Variants in ZNF683 observed in about 807,000 individuals in gnomAD.
The protein encoded by ZNF683 is zinc finger protein 683.
In ZNF683, 20 loss-of-function variants were observed where a neutral mutation model predicts 31.4. That is an observed-to-expected ratio of 0.64 (90% confidence interval 0.45 to 0.93). The LOEUF (loss-of-function observed/expected upper bound fraction) is 0.93. Ranked by LOEUF, ZNF683 falls within the 40% of genes least tolerant of loss-of-function variation. ZNF683 has a pLI of 0.00. For missense variants in ZNF683, 621 were observed against 637.2 expected (o/e 0.97, Z 0.27); for synonymous variants, 264 against 267.6 (o/e 0.99, Z 0.13).
chr1:26,373,523 G>A (rs2074709532), upstream of ZNF683, among the ~76,000 whole-genome samples: 1 of 152,170 alleles, frequency 6.6e-6, no homozygotes, highest in Non-Finnish European at 1.5e-5. Flanking sequence ...GTTCAGGGGA[G>A]GCTGCAGAAT....
intron 3 of ZNF683, among the ~76,000 whole-genome samples, chr1:26,366,655 C>T (rs2124163757): frequency 6.6e-6 from 1 of 152,132 alleles, no homozygotes; most frequent in Admixed American, 6.6e-5. Context: ...CCCTGACTCC[C>T]AGCCCAGTGC....
chr1:26,363,046 C>A lies in ZNF683; in HGVS notation c.1123G>T (p.Glu375Ter), dbSNP rs201344522. 2 of 1,611,626 alleles carry A rather than the reference C, an allele frequency of 1.2e-6. No individual in the cohort carries two copies. Among genetic ancestry groups the A allele is most frequent in the East Asian group, 4.5e-5 (2 of 44,816 alleles). The change falls in exon 5 of 6, where the codon GAG becomes TAG. Residue 375 changes from glutamate (E) to a stop codon, truncating the protein, a stop_gained. Coordinates refer to ENST00000349618, the MANE Select transcript of ZNF683 (RefSeq NM_001114759.3). LOFTEE classifies it low-confidence loss of function (END_TRUNC). ...CTCACCGAGCACTTGTGGGGCCGCT[C>A]CCCAGTGTGCACCAGGTGGTGCTTC... is the stretch of plus-strand genomic sequence containing the variant. ...LQKHHLVHTG[E>*]RPHKCSVCHK...
chr1:26,365,158 T>C lies in ZNF683; in HGVS notation c.388A>G (p.Asn130Asp), dbSNP rs1173190352. 6.2e-7 allele frequency: 1 copy of C among 1,610,648 alleles called. No individual in the cohort carries two copies. ...GGCTGTTTTCCCAGCTTGTCCTTGT[T>C]CTGTGGGTACTTGACTGTGAATTTC... The part of the protein sequence containing the change: ...DKKFTVKYPQ[N>D]KDKLGKQPER... Residue 130 changes from asparagine to aspartate, a missense_variant, in exon 4 of 6, where the codon AAC (asparagine) becomes GAC (aspartate). Asn to Asp is a conservative substitution (Grantham distance 23, BLOSUM62 1). Coordinates refer to ENST00000349618, the MANE Select transcript of ZNF683 (RefSeq NM_001114759.3).
At position 26,361,963 on chromosome 1, in the gene ZNF683, G is replaced by T. The variant is rs146588417; in HGVS notation, c.1203C>A (p.Ser401=). 1 of 1,613,864 alleles carries T rather than the reference G, an allele frequency of 6.2e-7. No individual in the cohort carries two copies. The highest frequency in any genetic ancestry group is 8.5e-7 in the Non-Finnish European group (1 of 1,179,882). Residue 401 remains serine (S), a synonymous_variant, in exon 6 of 6, where the codon TCC becomes TCA. Transcript: ENST00000349618. ...CACTGCACTGGAAGGGCCGGGCCCC[G>T]GAGTGCAGGCGCAGGTGGGTCTTGA... ...SNLKTHLRLH[S]GARPFQCSVC...
rs763154415 is a variant in ZNF683 at position 26,364,623 on chromosome 1, G to C, written c.923C>G (p.Ala308Gly). ...CTTCTTTTTCAGCGGGTAAGGCAAG[G>C]CTGCGGTGCCTGTCTGGGAACTCAA... ...VPLSSQTGTA[A>G]LPYPLKKKNG... The change falls in exon 4 of 6, where the codon GCC becomes GGC. Residue 308 changes from alanine to glycine, a missense_variant. Transcript: ENST00000349618. 9 of 1,613,894 alleles carry C rather than the reference G, an allele frequency of 5.6e-6. No homozygotes were observed. In the African/African-American group the frequency reaches 1.1e-4, roughly 19 times the overall value.
chr1:26,364,417 AG>A, intron 4 of ZNF683, 114 bp downstream of exon 4: 1 of 1,161,332 alleles, frequency 8.6e-7, no homozygotes, highest in Non-Finnish European at 1.3e-6. Flanking sequence ...TTGGCCCTAG[AG>A]GTTGCCCAGG....
At chr1:26,369,596 A>G (rs1458281834) in intron 1 of ZNF683, among the ~76,000 whole-genome samples, 2 of 152,086 alleles carry the variant, frequency 1.3e-5, no homozygotes, top group Non-Finnish European at 2.9e-5. Flanking sequence ...TGAACCCGGG[A>G]GGCAGAGGTT....
chr1:26,362,989 C>G, intron 5 of ZNF683, 37 bp downstream of exon 5: 1 of 1,579,142 alleles, frequency 6.3e-7, no homozygotes, highest in Non-Finnish European at 8.6e-7. Flanking sequence ...TCCTCTCCAG[C>G]CTATAGGAGT....
chr1:26,371,274 T>C (rs2074662525), intron 1 of ZNF683, among the ~76,000 whole-genome samples: 1 of 152,122 alleles, frequency 6.6e-6, no homozygotes, highest in Non-Finnish European at 1.5e-5. Context: ...AGTTCTATCC[T>C]CTAATCTAGA....
Position 26,368,520 on chromosome 1 carries a change from G to C in ZNF683, c.52C>G (p.Leu18Val), listed in dbSNP as rs1368390537. ...QLGCCHRPMA[L>V]GGTGGSLSPS... is the part of the protein sequence containing the mutation. ...GACAGGGAGCCCCCTGTACCTCCCA[G>C]GGCCATGGGCCTATGACAACAACCT... Residue 18 changes from leucine (L) to valine (V), a missense_variant, in exon 2 of 6, where the codon CTG (leucine) becomes GTG (valine). Coordinates refer to ENST00000349618, the MANE Select transcript of ZNF683 (RefSeq NM_001114759.3). The C allele has an allele frequency of 6.2e-7, 1 of 1,606,578 alleles. No homozygotes were observed. The highest frequency in any genetic ancestry group is 1.7e-5 in the Admixed American group (1 of 58,954).
intron 2 of ZNF683, 42 bp from the exon 3 acceptor site, chr1:26,367,839 A>C (rs1253796015): frequency 9.6e-6 from 14 of 1,464,460 alleles, no homozygotes; most frequent in Non-Finnish European, 1.1e-5. Context: ...GGTGACTGGG[A>C]CTCCATGGGT....
chr1:26,369,745 G>A (rs544326488), intron 1 of ZNF683, among the ~76,000 whole-genome samples: 19 of 152,178 alleles, frequency 1.2e-4, no homozygotes, highest in African/African-American at 2.2e-4. Flanking sequence ...CAAGAGAATC[G>A]CTTGAACCCA....
At chr1:26,366,902 C>T (rs1203493192) in intron 3 of ZNF683, among the ~76,000 whole-genome samples, 2 of 152,150 alleles carry the variant, frequency 1.3e-5, no homozygotes, top group East Asian at 1.9e-4. Flanking sequence ...GTGATGTGCC[C>T]GCCTCAGCCT....
intron 3 of ZNF683, among the ~76,000 whole-genome samples, chr1:26,366,104 C>T (rs1294940401): frequency 2.0e-5 from 3 of 151,668 alleles, no homozygotes; most frequent in Non-Finnish European, 2.9e-5. Flanking sequence ...CACTTGAACC[C>T]GGGAGGCAGA....
intron 5 of ZNF683, 104 bp from the exon 6 acceptor site, chr1:26,362,126 C>T: frequency 1.2e-6 from 2 of 1,613,660 alleles, no homozygotes; most frequent in Non-Finnish European, 1.7e-6. Flanking sequence ...CTCTCTTTCC[C>T]TCCAGGCCTG....
At position 26,362,082 on chromosome 1, in the gene ZNF683, C is replaced by T. The variant is rs2074400319; in HGVS notation, c.1144-60G>A. ...TCTGGGCTGGCTCAGGCATTCTACT[C>T]CCTCTCCTCATCTTGGAAATACCCA... is the stretch of plus-strand genomic sequence containing the variant. On this transcript the variant is annotated intron_variant, in intron 5 of 5. Coordinates refer to ENST00000349618, the MANE Select transcript of ZNF683 (RefSeq NM_001114759.3). 4 of 1,613,978 alleles carry T rather than the reference C, an allele frequency of 2.5e-6. No homozygotes were observed. In the East Asian group the frequency reaches 8.9e-5, roughly 36 times the overall value.
Position 26,370,108 on chromosome 1 carries a change from A to T in ZNF683, c.-14-1523T>A, listed in dbSNP as rs544383772. Among the ~76,000 whole-genome samples, 3 of 151,992 alleles carry T rather than the reference A, an allele frequency of 2.0e-5. No homozygotes were observed. The East Asian group carries it at 5.9e-4, about 30-fold the overall frequency. On this transcript the variant is annotated intron_variant, in intron 1 of 5. Transcript: ENST00000349618. ...ACGGAGCTTACTTCCAAGTAAGTGC[A>T]GAGATCTGAGGGAACATTCCAGATT...
chr1:26,367,959 G>T (rs902419308), intron 2 of ZNF683, among the ~76,000 whole-genome samples, 162 bp from the exon 3 acceptor site: 1 of 152,088 alleles, frequency 6.6e-6, no homozygotes, highest in Non-Finnish European at 1.5e-5. Context: ...CTCATCCAAA[G>T]ATCTCTTTCC....
chr1:26,369,707 G>A (rs373294788), intron 1 of ZNF683, among the ~76,000 whole-genome samples: 4,108 of 118,802 alleles, frequency 0.035, 2 homozygotes, highest in African/African-American at 0.11. Context: ...GCTCACACCT[G>A]TAGTCCCAGC....
Sources: gnomAD v4.1 joint callset for allele counts (sites outside exome capture counted in the v4.1 genomes callset) on GRCh38, gnomAD v4.1.1 for gene constraint, MANE v1.5 for transcripts, NCBI Gene and HGNC (gene_info 2026-07-23, HGNC 2026-07-21) for gene names.